The following CSNK1A1 variants were observed in gnomAD, a reference collection of about 807,000 sequenced individuals.
CSNK1A1 encodes casein kinase I isoform alpha.
Under a neutral mutation model 46.1 loss-of-function variants are expected in CSNK1A1, and 7 were observed. The observed-to-expected ratio is 0.15, with a 90% CI of 0.09 to 0.29. The LOEUF (loss-of-function observed/expected upper bound fraction) is 0.29, where lower values mean the gene tolerates loss of function less well. CSNK1A1 is among the 10% of genes least tolerant of loss of function. The pLI is 1.00. For synonymous variants in CSNK1A1, 137 were observed against 141.5 expected (o/e 0.97, Z 0.23); for missense variants, 96 against 417.1 (o/e 0.23, Z 6.71).
rs535143475 is a variant in CSNK1A1, at chr5:149,525,893, T to C, written c.231-722A>G. Among the ~76,000 whole-genome samples, 3 of 152,236 alleles carry C rather than the reference T, an allele frequency of 2.0e-5. No individual in the cohort carries two copies. The highest frequency in any genetic ancestry group is 4.4e-5 in the Non-Finnish European group (3 of 68,032). The stretch of plus-strand genomic sequence containing the variant: ...TCTGGTAAGAGTACTTTCCTTAAAA[T>C]AAGCACTACCACTTTTCTTTCAAAC... On this transcript the variant is annotated intron_variant, in intron 2 of 9. Transcript: ENST00000377843. This position sits in a 1 kb window ranked among gnomAD's most constrained non-coding sequence, Gnocchi z 4.2.
At chr5:149,501,560 C>G in intron 9 of CSNK1A1, 1 of 985,044 alleles carries the variant, frequency 1.0e-6, no homozygotes, top group Non-Finnish European at 1.2e-6. Context: ...TATTTGTAAT[C>G]CCCTCTGAAT....
chr5:149,542,331 G>T (rs566011833), intron 2 of CSNK1A1, among the ~76,000 whole-genome samples: 17 of 151,756 alleles, frequency 1.1e-4, no homozygotes, highest in African/African-American at 3.9e-4. Flanking sequence ...CTACATCAAG[G>T]TGAGTTGTAT....
At chr5:149,527,598 T>C (rs1317793416) in intron 2 of CSNK1A1, among the ~76,000 whole-genome samples, 1 of 152,202 alleles carries the variant, frequency 6.6e-6, no homozygotes, top group Non-Finnish European at 1.5e-5. Flanking sequence ...ATAACAGTAT[T>C]AAAAGGTAAG....
intron 2 of CSNK1A1, among the ~76,000 whole-genome samples, chr5:149,532,320 G>A (rs115516609): frequency 0.01 from 1,595 of 152,112 alleles, 22 homozygotes; most frequent in African/African-American, 0.036. Flanking sequence ...TCAGCCGGGC[G>A]GAGTGGCTCA....
At chr5:149,513,286 C>T in intron 4 of CSNK1A1, 77 bp from the exon 5 acceptor site, 1 of 1,303,946 alleles carries the variant, frequency 7.7e-7, no homozygotes. Flanking sequence ...TAAATGGTAT[C>T]TATTCTATGC....
chr5:149,499,556 G>A (rs1760758003), intron 9 of CSNK1A1, among the ~76,000 whole-genome samples: 1 of 151,774 alleles, frequency 6.6e-6, no homozygotes, highest in African/African-American at 2.4e-5. Context: ...AAAGCCAGGA[G>A]TTCCAAATAA....
At chr5:149,532,541 A>G (rs183718577) in intron 2 of CSNK1A1, among the ~76,000 whole-genome samples, 2 of 152,184 alleles carry the variant, frequency 1.3e-5, no homozygotes, top group African/African-American at 4.8e-5. Flanking sequence ...AAATATGCAA[A>G]TATCAGCCGG....
chr5:149,507,202 G>C, intron 7 of CSNK1A1, 69 bp from the exon 8 acceptor site: 1 of 1,200,252 alleles, frequency 8.3e-7, no homozygotes, highest in Admixed American at 2.4e-5. Flanking sequence ...ATGCATTTAA[G>C]TATAAGCAAA....
rs376396054 is a variant in CSNK1A1 at position 149,539,863 on chromosome 5, C to T, written c.230+10212G>A. The stretch of plus-strand genomic sequence containing the variant: ...CAAATTAACCACTTTGACTCACATA[C>T]TTTATAAGAAACACCAACTTACAAG... On this transcript the variant is annotated intron_variant, in intron 2 of 9. Coordinates refer to ENST00000377843, the MANE Select transcript of CSNK1A1 (RefSeq NM_001892.6). Among the ~76,000 whole-genome samples the T allele has an allele frequency of 5.7e-4, 87 of 152,142 alleles. 1 individual carries two copies. The South Asian group carries it at 6.6e-3, about 12-fold the overall frequency.
In CSNK1A1 at chr5:149,505,607, A is replaced by G. The variant is rs1251740417; in HGVS notation, c.858-12T>C. On this transcript the variant is annotated splice_polypyrimidine_tract_variant and intron_variant, in intron 8 of 9. Transcript: ENST00000377843. ...GATGGTTCAGGGTCCTGGAACACAT[A>G]AAATATTTTATGTTAATCCTTTAAT... is the stretch of plus-strand genomic sequence containing the variant. 1 of 1,606,924 alleles carries G rather than the reference A, an allele frequency of 6.2e-7. No individual in the cohort carries two copies. The highest frequency in any genetic ancestry group is 8.5e-7 in the Non-Finnish European group (1 of 1,174,416).
At position 149,517,336 on chromosome 5, in the gene CSNK1A1, A is replaced by G. The variant is rs2113105858; in HGVS notation, c.456+2954T>C. Among the ~76,000 whole-genome samples the G allele has an allele frequency of 6.6e-6, 1 of 152,362 alleles. No individual in the cohort carries two copies. The stretch of plus-strand genomic sequence containing the variant: ...TAGATCTGAAATCTGATCTACACTT[A>G]CCTGAAGTTCCTTAGGGAAGGGGAA... On this transcript the variant is annotated intron_variant, in intron 4 of 9. Coordinates refer to ENST00000377843, the MANE Select transcript of CSNK1A1 (RefSeq NM_001892.6). This position sits in a 1 kb window ranked among gnomAD's most constrained non-coding sequence, Gnocchi z 4.4.
chr5:149,502,322 A>C, intron 9 of CSNK1A1: 3 of 968,118 alleles, frequency 3.1e-6, no homozygotes, highest in Non-Finnish European at 3.7e-6. Context: ...CTCTGTGAAG[A>C]GTAATATAAA....
intron 9 of CSNK1A1, chr5:149,501,022 T>C: frequency 2.0e-6 from 2 of 985,398 alleles, no homozygotes; most frequent in Non-Finnish European, 2.4e-6. Flanking sequence ...TACCTGTTTA[T>C]AATTGATTCT....
rs187311914 is a variant in CSNK1A1, at chr5:149,540,082, T to G, written c.230+9993A>C. ...CTTAAAATTAGAACAAATCATTACATCAGAGAACAAGAGGCATCTTTTGTC... is the reference window on the plus strand; with the variant it reads ...CTTAAAATTAGAACAAATCATTACAGCAGAGAACAAGAGGCATCTTTTGTC... On this transcript the variant is annotated intron_variant, in intron 2 of 9. Transcript: ENST00000377843. Among the ~76,000 whole-genome samples, 33 of 152,302 alleles carry G rather than the reference T, an allele frequency of 2.2e-4. 1 individual carries two copies. The highest frequency in any genetic ancestry group is 7.5e-4 in the African/African-American group (31 of 41,552).
At chr5:149,539,641 G>A (rs1290449796) in intron 2 of CSNK1A1, among the ~76,000 whole-genome samples, 1 of 151,892 alleles carries the variant, frequency 6.6e-6, no homozygotes, top group Non-Finnish European at 1.5e-5. Context: ...GAATCACCTG[G>A]GGAGCTTTTA....
rs755793311 is a variant in CSNK1A1, at chr5:149,520,369, T to C, written c.377A>G (p.Tyr126Cys). 6.3e-7 allele frequency: 1 copy of C among 1,598,478 alleles called. No individual in the cohort carries two copies. Among genetic ancestry groups the C allele is most frequent in the South Asian group, 1.1e-5 (1 of 90,002 alleles). Residue 126 changes from tyrosine (Y) to cysteine (C), a missense_variant, in exon 4 of 10, where the codon TAT (tyrosine) becomes TGT (cysteine). Transcript: ENST00000377843. ...GTGTATAAAATTCTTTGTATGCACA[T>C]ATTCAATTCTACTGATCATCTGGAA... ...LADQMISRIEYVHTKNFIHRD... is the reference protein window; with the variant it reads ...LADQMISRIECVHTKNFIHRD...
chr5:149,507,174 T>C, intron 7 of CSNK1A1, 41 bp from the exon 8 acceptor site: 1 of 1,436,554 alleles, frequency 7.0e-7, no homozygotes, highest in Non-Finnish European at 9.6e-7. Context: ...AAACAAACAT[T>C]TCAAGATAGA....
At chr5:149,537,203 C>T (rs1762083992) in intron 2 of CSNK1A1, among the ~76,000 whole-genome samples, 1 of 151,962 alleles carries the variant, frequency 6.6e-6, no homozygotes, top group African/African-American at 2.4e-5. Context: ...TGGTGAAACC[C>T]CATCTCTACT....
At chr5:149,539,699 C>G (rs998786088) in intron 2 of CSNK1A1, among the ~76,000 whole-genome samples, 5 of 151,888 alleles carry the variant, frequency 3.3e-5, no homozygotes, top group Non-Finnish European at 5.9e-5. Context: ...AATCAAAATA[C>G]TTGCAGTTAG....
Sources: allele counts gnomAD v4.1 joint callset (sites outside exome capture counted in the v4.1 genomes callset), GRCh38; gene constraint gnomAD v4.1.1; non-coding constraint Gnocchi (gnomAD v3.1); transcripts MANE v1.5; gene names NCBI Gene and HGNC (gene_info 2026-07-23, HGNC 2026-07-21).